NRXN1: variants seen among roughly 807,000 people sequenced by gnomAD.
The protein encoded by NRXN1 is neurexin-1.
Under a neutral mutation model 150.9 loss-of-function variants are expected in NRXN1, and 39 were observed. The observed-to-expected ratio is 0.26, with a 90% CI of 0.20 to 0.34. The LOEUF is 0.34. NRXN1 is among the 10% of genes least tolerant of loss of function. The pLI, the probability that NRXN1 is intolerant of heterozygous loss-of-function variation, is 1.00. For missense variants in NRXN1, 1,815 were observed against 1,949.9 expected (o/e 0.93, Z 1.30); for synonymous variants, 924 against 757.0 (o/e 1.22, Z -3.62).
At chr2:50,401,051 A>T (rs1228799389) in intron 17 of NRXN1, among the ~76,000 whole-genome samples, 1 of 152,136 alleles carries the variant, frequency 6.6e-6, no homozygotes, top group Admixed American at 6.6e-5. Context: ...ATACTCAGAA[A>T]AGTGGGTTAA....
intron 8 of NRXN1, among the ~76,000 whole-genome samples, chr2:50,578,941 G>C (rs1671841203): frequency 6.6e-6 from 1 of 151,992 alleles, no homozygotes; most frequent in Non-Finnish European, 1.5e-5. Context: ...GGGCATCTGG[G>C]GTTAGACTTC....
intron 18 of NRXN1, among the ~76,000 whole-genome samples, chr2:50,103,781 T>A (rs1701287615): frequency 6.6e-6 from 1 of 152,026 alleles, no homozygotes; most frequent in Non-Finnish European, 1.5e-5. Context: ...AGAGAATATT[T>A]TGAAGACAGT....
intron 18 of NRXN1, among the ~76,000 whole-genome samples, chr2:50,168,692 C>T (rs1191271737): frequency 6.6e-6 from 1 of 152,086 alleles, no homozygotes; most frequent in African/African-American, 2.4e-5. Context: ...GGCCAGAGGC[C>T]AACCAACACT....
At position 50,057,538 on chromosome 2, in the gene NRXN1, T is replaced by A. The variant is rs79445727; in HGVS notation, c.3719-2494A>T. ...GAACCTGTAATGGCAAATTTGATAGTTTGCCTTCAAACTCTGAATATCCCT... is the reference window on the plus strand; with the variant it reads ...GAACCTGTAATGGCAAATTTGATAGATTGCCTTCAAACTCTGAATATCCCT... On this transcript the variant is annotated intron_variant, in intron 19 of 22. Coordinates refer to ENST00000401669, the MANE Select transcript of NRXN1 (RefSeq NM_001330078.2). Among the ~76,000 whole-genome samples the A allele has an allele frequency of 9.1e-3, 1,387 of 152,298 alleles. 28 individuals are homozygous for A. The highest frequency in any genetic ancestry group is 0.032 in the African/African-American group (1,331 of 41,566).
chr2:50,974,375 G>T (rs555001291), intron 2 of NRXN1, among the ~76,000 whole-genome samples: 1 of 152,264 alleles, frequency 6.6e-6, no homozygotes, highest in East Asian at 1.9e-4. Context: ...CCTGGGGATT[G>T]TGCCTTTTCA....
intron 22 of NRXN1, among the ~76,000 whole-genome samples, chr2:49,925,795 C>A (rs1669011473): frequency 6.6e-6 from 1 of 151,460 alleles, no homozygotes. Flanking sequence ...GACAAAGAAA[C>A]AAGTGAAAGA....
At chr2:50,602,032 A>T (rs1228820665) in intron 8 of NRXN1, among the ~76,000 whole-genome samples, 1 of 152,154 alleles carries the variant, frequency 6.6e-6, no homozygotes, top group Non-Finnish European at 1.5e-5. Flanking sequence ...TGAGGGTGAA[A>T]CATGTCCCTT....
intron 18 of NRXN1, among the ~76,000 whole-genome samples, chr2:50,165,789 C>G (rs1574272130): frequency 6.6e-6 from 1 of 152,078 alleles, no homozygotes; most frequent in African/African-American, 2.4e-5. Context: ...AATGATTACA[C>G]TATGCAAACA....
chr2:50,031,071 A>T (rs1421569), intron 21 of NRXN1, among the ~76,000 whole-genome samples: 137,906 of 152,094 alleles, frequency 0.91, 62,587 homozygotes, highest in Middle Eastern at 0.94. Flanking sequence ...AAGAACTCTT[A>T]AGTATGCAGC....
chr2:51,023,480 C>T (rs963835281), intron 2 of NRXN1, among the ~76,000 whole-genome samples: 1 of 152,136 alleles, frequency 6.6e-6, no homozygotes, highest in Non-Finnish European at 1.5e-5. Context: ...TAATACTTTT[C>T]CTCTGCCTTA....
At chr2:50,010,935 G>C (rs1685559841) in intron 21 of NRXN1, among the ~76,000 whole-genome samples, 1 of 152,104 alleles carries the variant, frequency 6.6e-6, no homozygotes, top group Non-Finnish European at 1.5e-5. Context: ...ATCTCTGCAA[G>C]GTAGCAAATC....
intron 17 of NRXN1, among the ~76,000 whole-genome samples, chr2:50,244,331 T>C (rs2066304260): frequency 6.6e-6 from 1 of 151,858 alleles, no homozygotes; most frequent in Non-Finnish European, 1.5e-5. Flanking sequence ...CAGCAAAGAC[T>C]GCACACTGGA....
intron 21 of NRXN1, chr2:49,972,896 A>G (rs568449492): frequency 2.0e-5 from 3 of 152,328 alleles, no homozygotes; most frequent in African/African-American, 7.2e-5. Flanking sequence ...CTGATATGCA[A>G]TCCCTTCTGT....
Position 50,250,397 on chromosome 2 carries a change from G to A in NRXN1, c.3365-13427C>T, listed in dbSNP as rs116779619. Among the ~76,000 whole-genome samples, 292 of 151,986 alleles carry A rather than the reference G, an allele frequency of 1.9e-3. 2 individuals are homozygous for A. Among genetic ancestry groups the A allele is most frequent in the African/African-American group, 6.9e-3 (287 of 41,458 alleles). On this transcript the variant is annotated intron_variant, in intron 17 of 22. Coordinates refer to ENST00000401669, the MANE Select transcript of NRXN1 (RefSeq NM_001330078.2). ...AAAATTTGGTTTTCAGGAGTAGGTT[G>A]TAGATCCACTTATATAAATGGAAAG...
chr2:50,381,183 C>T lies in NRXN1; in HGVS notation c.3364+84259G>A, dbSNP rs548250121. ...TCAGGTTGAAGAGAGACATTATGGA[C>T]ATTCAAAAGCCTAGAGAACAAGACA... On this transcript the variant is annotated intron_variant, in intron 17 of 22. Transcript: ENST00000401669. 2.6e-4 allele frequency among the ~76,000 whole-genome samples: 39 copies of T among 152,004 alleles called. 2 individuals carry two copies. In the South Asian group the frequency reaches 8.1e-3, roughly 32 times the overall value.
intron 5 of NRXN1, among the ~76,000 whole-genome samples, chr2:50,692,964 G>C (rs944958070): frequency 6.6e-6 from 1 of 152,184 alleles, no homozygotes; most frequent in Non-Finnish European, 1.5e-5. Flanking sequence ...TTTAAGTGAA[G>C]TTTGTAAATG....
intron 2 of NRXN1, among the ~76,000 whole-genome samples, chr2:50,999,107 C>A (rs947801342): frequency 6.6e-6 from 1 of 152,036 alleles, no homozygotes; most frequent in Non-Finnish European, 1.5e-5. Context: ...ATTTCTCCAG[C>A]ATGCCTGTCC....
chr2:51,019,684 T>C (rs969053768), intron 2 of NRXN1, among the ~76,000 whole-genome samples: 10 of 152,114 alleles, frequency 6.6e-5, no homozygotes, highest in East Asian at 1.9e-4. Flanking sequence ...ATTCCAGCAG[T>C]TGAGTTGTTC....
chr2:50,219,819 T>A (rs1238021487), intron 18 of NRXN1, among the ~76,000 whole-genome samples: 1 of 146,722 alleles, frequency 6.8e-6, no homozygotes, highest in Non-Finnish European at 1.5e-5. Flanking sequence ...GCCTCGGGAG[T>A]GTCGAGGCTT....
Sources: allele counts gnomAD v4.1 joint callset (sites outside exome capture counted in the v4.1 genomes callset), GRCh38; gene constraint gnomAD v4.1.1; transcripts MANE v1.5; gene names NCBI Gene and HGNC (gene_info 2026-07-23, HGNC 2026-07-21).